The following APBA1 variants were observed in gnomAD, a reference collection of about 807,000 sequenced individuals.
APBA1 encodes the protein amyloid beta precursor protein binding family A member 1.
APBA1 carries 55 observed loss-of-function variants against 86.6 expected under a neutral mutation model. The ratio of observed to expected loss-of-function variants is 0.64; its 90% CI spans 0.51 to 0.80. The LOEUF (loss-of-function observed/expected upper bound fraction) is 0.80. Among genes scored for constraint, APBA1 ranks in the 30% least tolerant of loss-of-function variants. The pLI, the probability that APBA1 is intolerant of heterozygous loss-of-function variation, is 0.00. For missense variants in APBA1, 1,090 were observed against 1,183.0 expected (o/e 0.92, Z 1.15); for synonymous variants, 511 against 493.9 (o/e 1.03, Z -0.46).
intron 11 of APBA1, among the ~76,000 whole-genome samples, chr9:69,433,838 G>A (rs1834647941): frequency 1.4e-5 from 2 of 139,360 alleles, no homozygotes; most frequent in South Asian, 2.3e-4. Context: ...TTAAGACAGA[G>A]TCTTGCTCTG....
chr9:69,656,971 G>A (rs937868365), intron 1 of APBA1, among the ~76,000 whole-genome samples: 7 of 150,816 alleles, frequency 4.6e-5, no homozygotes, highest in East Asian at 2.0e-4. Context: ...TCAGCCTCCC[G>A]AGTAGCTGGG....
At chr9:69,575,318 G>A (rs890991842) in intron 1 of APBA1, among the ~76,000 whole-genome samples, 14 of 152,178 alleles carry the variant, frequency 9.2e-5, no homozygotes, top group Admixed American at 2.6e-4. Flanking sequence ...TCCCCATCAA[G>A]CTACCAATGA....
At chr9:69,548,232 A>G (rs1836727644) in intron 1 of APBA1, among the ~76,000 whole-genome samples, 1 of 152,190 alleles carries the variant, frequency 6.6e-6, no homozygotes, top group Non-Finnish European at 1.5e-5. Context: ...CCACAGCTGC[A>G]TGGAAATGGA....
chr9:69,549,491 C>T (rs1392823414), intron 1 of APBA1, among the ~76,000 whole-genome samples: 3 of 152,152 alleles, frequency 2.0e-5, no homozygotes, highest in African/African-American at 7.2e-5. Context: ...TTTGCCACTT[C>T]GATCCTATGA....
At chr9:69,434,381 CT>C (rs1834659907) in intron 11 of APBA1, among the ~76,000 whole-genome samples, 1 of 151,914 alleles carries the variant, frequency 6.6e-6, no homozygotes, top group Admixed American at 6.6e-5. Flanking sequence ...CATACTCTTT[CT>C]TGATGGATTC....
intron 11 of APBA1, among the ~76,000 whole-genome samples, chr9:69,436,898 T>C (rs1834733774): frequency 6.6e-6 from 1 of 151,940 alleles, no homozygotes; most frequent in African/African-American, 2.4e-5. Context: ...TTCGGTATGA[T>C]ATTGGCTGTG....
chr9:69,582,656 C>T (rs1355410136), intron 1 of APBA1, among the ~76,000 whole-genome samples: 2 of 152,156 alleles, frequency 1.3e-5, no homozygotes, highest in Non-Finnish European at 2.9e-5. Flanking sequence ...CTGGCTTTAT[C>T]TTCCCATTCA....
intron 11 of APBA1, among the ~76,000 whole-genome samples, chr9:69,440,199 G>C (rs1439197015): frequency 6.6e-6 from 1 of 152,204 alleles, no homozygotes; most frequent in Admixed American, 6.5e-5. Context: ...TCCTACTGGG[G>C]GGTGCCTCCC....
intron 3 of APBA1, among the ~76,000 whole-genome samples, chr9:69,472,130 C>T (rs1348536300): frequency 6.6e-6 from 1 of 152,216 alleles, no homozygotes; most frequent in Non-Finnish European, 1.5e-5. Flanking sequence ...AGTGATCTCT[C>T]ACTGTGCTAA....
intron 1 of APBA1, among the ~76,000 whole-genome samples, chr9:69,562,693 A>G (rs1836965396): frequency 6.6e-6 from 1 of 152,080 alleles, no homozygotes; most frequent in Non-Finnish European, 1.5e-5. Flanking sequence ...TGCTTTAATC[A>G]ATATTTTTAA....
intron 1 of APBA1, among the ~76,000 whole-genome samples, chr9:69,616,134 A>C (rs938561808): frequency 6.6e-6 from 1 of 152,238 alleles, no homozygotes; most frequent in Non-Finnish European, 1.5e-5. Context: ...TAGTCCACGC[A>C]GTGAGTGACT....
At chr9:69,501,571 CT>C (rs2133872282) in intron 2 of APBA1, among the ~76,000 whole-genome samples, 1 of 151,364 alleles carries the variant, frequency 6.6e-6, no homozygotes, top group East Asian at 2.0e-4. Context: ...GAGGCCAATG[CT>C]TGAGGCCAGG....
intron 10 of APBA1, among the ~76,000 whole-genome samples, chr9:69,441,612 T>C (rs1834826100): frequency 6.6e-6 from 1 of 152,188 alleles, no homozygotes; most frequent in African/African-American, 2.4e-5. Flanking sequence ...CTCTTTTCTC[T>C]TGTCTCTGAT....
rs1323334260 is a variant in APBA1, at chr9:69,516,433, G to A, written c.778C>T (p.Arg260Cys). The change falls in exon 2 of 13, where the codon CGC (arginine) becomes TGC (cysteine). Residue 260 changes from arginine to cysteine, a missense_variant. Physicochemically the swap from Arg to Cys is radical, Grantham distance 180 (BLOSUM62 -3). Around this residue, in one of 6 missense-constraint regions of APBA1, gnomAD observed 678 missense variants for 647.1 expected, o/e 1.05. Coordinates refer to ENST00000265381, the MANE Select transcript of APBA1 (RefSeq NM_001163.4). This position sits in a 1 kb window ranked among gnomAD's most constrained non-coding sequence, Gnocchi z 7.3. ...EKEAEFAPYP[R>C]MDSYEQEEDI... ...TCCTCCTGCTCGTAGCTGTCCATGC[G>A]CGGGTAGGGCGCGAACTCGGCCTCC... The A allele has an allele frequency of 3.1e-6, 5 of 1,604,584 alleles. No individual in the cohort carries two copies. The highest frequency in any genetic ancestry group is 2.5e-6 in the Non-Finnish European group (3 of 1,178,706).
At chr9:69,582,020 T>A (rs1418892576) in intron 1 of APBA1, among the ~76,000 whole-genome samples, 3 of 152,198 alleles carry the variant, frequency 2.0e-5, no homozygotes, top group African/African-American at 7.2e-5. Flanking sequence ...GCAGCTAAAC[T>A]GTGTGTTGCT....
intron 10 of APBA1, among the ~76,000 whole-genome samples, chr9:69,443,424 C>T (rs934235520): frequency 1.3e-5 from 2 of 152,168 alleles, no homozygotes; most frequent in South Asian, 2.1e-4. Flanking sequence ...TGAGAGCAGG[C>T]GCTGGCAAGG....
At chr9:69,535,699 T>C (rs1836497599) in intron 1 of APBA1, among the ~76,000 whole-genome samples, 1 of 152,186 alleles carries the variant, frequency 6.6e-6, no homozygotes, top group African/African-American at 2.4e-5. Context: ...CATTCTCTTT[T>C]TGTTGTATGC....
intron 1 of APBA1, among the ~76,000 whole-genome samples, chr9:69,560,456 C>T (rs147739970): frequency 1.3e-5 from 2 of 152,278 alleles, no homozygotes; most frequent in African/African-American, 4.8e-5. Flanking sequence ...TGAATCACTG[C>T]TTCACTACTG....
At position 69,431,142 on chromosome 9, in the gene APBA1, A is replaced by G. The variant is rs1352528750; in HGVS notation, c.*185T>C. ...TGCATACGAAACTTCCCTGGTATTG[A>G]AAAAAAAAAAAAAAAAAAAGCAAAT... On this transcript the variant is annotated 3_prime_UTR_variant, in exon 13 of 13. Transcript: ENST00000265381. The G allele has an allele frequency of 1.1e-3, 87 of 78,758 alleles. No individual in the cohort carries two copies. The highest frequency in any genetic ancestry group is 8.7e-3 in the Middle Eastern group (2 of 230). The allele number at this position is 78,758 out of a possible 1,614,324, so 4.9% of individuals were successfully genotyped here. A position where few individuals can be genotyped will look rare whatever the true frequency, so the allele number is the denominator to read the frequency against.
Sources: allele counts gnomAD v4.1 joint callset (sites outside exome capture counted in the v4.1 genomes callset), GRCh38; gene constraint gnomAD v4.1.1; regional missense constraint gnomAD v4.1.1; non-coding constraint Gnocchi (gnomAD v3.1); transcripts MANE v1.5; gene names NCBI Gene and HGNC (gene_info 2026-07-23, HGNC 2026-07-21).